The following MCTP1 variants were observed in gnomAD, a reference collection of about 807,000 sequenced individuals.
MCTP1 encodes the protein multiple C2 and transmembrane domain containing 1.
MCTP1 carries 69 observed loss-of-function variants against 120.6 expected under a neutral mutation model. That is an observed-to-expected ratio of 0.57 (90% CI 0.47 to 0.70). The LOEUF is 0.70. Among genes scored for constraint, MCTP1 ranks in the 30% least tolerant of loss-of-function variants. The probability of loss-of-function intolerance (pLI) is 0.00; values close to 1 mark genes in which losing one functional copy is unlikely to be tolerated. For synonymous variants in MCTP1, 529 were observed against 493.1 expected (o/e 1.07, Z -0.96); for missense variants, 1,203 against 1,248.8 (o/e 0.96, Z 0.55).
In MCTP1 at chr5:94,714,906, A is replaced by G; in HGVS notation, c.2611-20T>C. 7.1e-7 allele frequency: 1 copy of G among 1,398,702 alleles called. No homozygotes were observed. The highest frequency in any genetic ancestry group is 1.2e-5 in the South Asian group (1 of 85,880). 86.6% of individuals were successfully genotyped at this position (1,398,702 alleles called of 1,614,324 possible). On this transcript the variant is annotated intron_variant, in intron 19 of 22. Transcript: ENST00000515393. ...ACTGTCCTAAAATGCAATAAAAAAG[A>G]AATTCTGTATGAGTAAAGGTATTCT...
At chr5:94,953,882 CATAT>C (rs1821415996) in intron 2 of MCTP1, among the ~76,000 whole-genome samples, 1 of 91,382 alleles carries the variant, frequency 1.1e-5, no homozygotes, top group Admixed American at 1.3e-4. Context: ...AATATATATG[CATAT>C]ATATACAAAT....
At chr5:94,752,599 C>T (rs1241959152) in intron 19 of MCTP1, among the ~76,000 whole-genome samples, 1 of 151,870 alleles carries the variant, frequency 6.6e-6, no homozygotes, top group Non-Finnish European at 1.5e-5. Flanking sequence ...TAACTTGGTT[C>T]CTAGGTTATT....
intron 1 of MCTP1, among the ~76,000 whole-genome samples, chr5:95,245,614 A>C (rs966145638): frequency 6.7e-6 from 1 of 148,858 alleles, no homozygotes; most frequent in Non-Finnish European, 1.5e-5. Context: ...AAGCATGAAG[A>C]CAAGATTAGA....
rs747532530 is a variant in MCTP1 at position 94,886,812 on chromosome 5, G to T, written c.1933+2067C>A. On this transcript the variant is annotated intron_variant, in intron 12 of 22. Coordinates refer to ENST00000515393, the MANE Select transcript of MCTP1 (RefSeq NM_024717.7). ...ACAAGTAAAAGAGAAAGCAGACAAA[G>T]AACTTACTTGTGTCCCAAATTTAAT... Among the ~76,000 whole-genome samples the T allele has an allele frequency of 1.3e-3, 201 of 152,208 alleles. 1 individual carries two copies. The highest frequency in any genetic ancestry group is 2.0e-3 in the Non-Finnish European group (139 of 67,978).
chr5:95,068,936 G>A, intron 1 of MCTP1: 1 of 420,772 alleles, frequency 2.4e-6, no homozygotes, highest in Non-Finnish European at 3.6e-6. Context: ...TAGTTCCAGG[G>A]GAAGATTGTG....
At chr5:95,256,899 G>A (rs566242043) in intron 1 of MCTP1, among the ~76,000 whole-genome samples, 6 of 152,246 alleles carry the variant, frequency 3.9e-5, no homozygotes, top group African/African-American at 1.4e-4. Flanking sequence ...ACACTGTCTT[G>A]TTCCAATGTA....
chr5:94,806,807 G>A (rs1212374647), intron 17 of MCTP1, among the ~76,000 whole-genome samples: 1 of 152,198 alleles, frequency 6.6e-6, no homozygotes, highest in Non-Finnish European at 1.5e-5. Flanking sequence ...GTGATGAGAT[G>A]TGTTTGATGA....
chr5:94,947,172 G>A (rs1819157985), intron 3 of MCTP1, among the ~76,000 whole-genome samples: 1 of 152,078 alleles, frequency 6.6e-6, no homozygotes, highest in Non-Finnish European at 1.5e-5. Flanking sequence ...ACCGTACTCT[G>A]ATCTTGCCCA....
At chr5:94,975,425 C>T (rs958632372) in intron 2 of MCTP1, among the ~76,000 whole-genome samples, 7 of 151,812 alleles carry the variant, frequency 4.6e-5, no homozygotes, top group Non-Finnish European at 1.0e-4. Context: ...TGAGGAAAGG[C>T]CTTCTGAGCA....
At chr5:95,272,495 TCC>T (rs1759486967) in intron 1 of MCTP1, among the ~76,000 whole-genome samples, 1 of 152,208 alleles carries the variant, frequency 6.6e-6, no homozygotes, top group Non-Finnish European at 1.5e-5. Flanking sequence ...ATCCAAGTCA[TCC>T]AAGTTATACA....
At chr5:94,985,972 G>C (rs1349901316) in intron 2 of MCTP1, among the ~76,000 whole-genome samples, 1 of 152,094 alleles carries the variant, frequency 6.6e-6, no homozygotes, top group African/African-American at 2.4e-5. Context: ...TATGTAAGTG[G>C]GAATGCATGC....
chr5:95,171,018 C>T (rs184344572), intron 1 of MCTP1, among the ~76,000 whole-genome samples: 42 of 152,114 alleles, frequency 2.8e-4, no homozygotes, highest in Non-Finnish European at 2.6e-4. Flanking sequence ...ATGGTCTTTA[C>T]AATTTGGCAT....
chr5:94,963,926 C>G (rs913330613), intron 2 of MCTP1, among the ~76,000 whole-genome samples: 2 of 152,112 alleles, frequency 1.3e-5, no homozygotes, highest in African/African-American at 4.8e-5. Context: ...ATCTTTCCTT[C>G]CGGTAGTTTT....
At chr5:95,248,234 T>G (rs972306738) in intron 1 of MCTP1, among the ~76,000 whole-genome samples, 6 of 152,138 alleles carry the variant, frequency 3.9e-5, no homozygotes, top group Non-Finnish European at 5.9e-5. Context: ...AGTCAAATTG[T>G]CTCTGTTTGC....
intron 2 of MCTP1, among the ~76,000 whole-genome samples, chr5:94,984,162 G>A (rs1830038549): frequency 6.6e-6 from 1 of 152,092 alleles, no homozygotes; most frequent in Admixed American, 6.6e-5. Flanking sequence ...TCCTCCATAA[G>A]TTTCCAGACT....
At chr5:95,183,956 A>G (rs991996109) in intron 1 of MCTP1, among the ~76,000 whole-genome samples, 1 of 151,602 alleles carries the variant, frequency 6.6e-6, no homozygotes, top group African/African-American at 2.4e-5. Flanking sequence ...GAGTTGAACA[A>G]TGAGAACACA....
intron 19 of MCTP1, among the ~76,000 whole-genome samples, chr5:94,744,242 C>T (rs529356372): frequency 2.6e-5 from 4 of 152,244 alleles, no homozygotes; most frequent in Admixed American, 6.5e-5. Context: ...CCAAAGTGCT[C>T]GGATTATAGG....
intron 19 of MCTP1, among the ~76,000 whole-genome samples, chr5:94,731,122 T>A (rs1174104891): frequency 6.6e-6 from 1 of 151,860 alleles, no homozygotes; most frequent in Admixed American, 6.6e-5. Flanking sequence ...AAAGAACAAA[T>A]TTTTTTTGGT....
At chr5:95,147,475 T>C (rs1447088001) in intron 1 of MCTP1, among the ~76,000 whole-genome samples, 2 of 152,238 alleles carry the variant, frequency 1.3e-5, no homozygotes, top group African/African-American at 2.4e-5. Flanking sequence ...TCCTTCTTGA[T>C]AGTTGTTGGT....
Sources: gnomAD v4.1 joint callset for allele counts (sites outside exome capture counted in the v4.1 genomes callset) on GRCh38, gnomAD v4.1.1 for gene constraint, MANE v1.5 for transcripts, NCBI Gene and HGNC (gene_info 2026-07-23, HGNC 2026-07-21) for gene names.